STAC: variants seen among roughly 807,000 people sequenced by gnomAD.
The protein encoded by STAC is SH3 and cysteine rich domain.
Under a neutral mutation model 48.8 loss-of-function variants are expected in STAC, and 43 were observed. The observed-to-expected ratio is 0.88, with a 90% CI of 0.69 to 1.14. The LOEUF (loss-of-function observed/expected upper bound fraction) is 1.14. STAC is among the 50% of genes most tolerant of loss of function. The pLI, the probability that STAC is intolerant of heterozygous loss-of-function variation, is 0.00. For synonymous variants in STAC, 193 were observed against 179.5 expected, an observed-to-expected ratio of 1.07 and a Z score of -0.60; for missense variants, 497 against 504.0, an observed-to-expected ratio of 0.99 and a Z score of 0.13.
intron 6 of STAC, 125 bp from the exon 7 acceptor site, chr3:36,504,268 G>C (rs541412156): frequency 2.2e-5 from 19 of 857,432 alleles, no homozygotes; most frequent in Non-Finnish European, 3.5e-5. Context: ...CAGAGGGTGA[G>C]GAAAAGGCAA....
chr3:36,512,783 C>CTTTTTTTTTTTTTTTTT, intron 8 of STAC, among the ~76,000 whole-genome samples: 13 of 151,912 alleles, frequency 8.6e-5, no homozygotes, highest in African/African-American at 2.9e-4. Context: ...ATCACACATA[C>CTTTTTTTTTTTTTTTTT]TTTTTTTTAT....
chr3:36,495,281 G>A (rs1698116770), intron 6 of STAC, among the ~76,000 whole-genome samples: 1 of 152,074 alleles, frequency 6.6e-6, no homozygotes, highest in Non-Finnish European at 1.5e-5. Context: ...TCAGTATTAG[G>A]CTTCCTTGCT....
intron 10 of STAC, among the ~76,000 whole-genome samples, chr3:36,530,476 T>C (rs1170433672): frequency 6.6e-6 from 1 of 152,184 alleles, no homozygotes; most frequent in Non-Finnish European, 1.5e-5. Flanking sequence ...AAAAATTGTT[T>C]TGTCCCACTT....
At chr3:36,492,066 A>ATATATATG (rs1698001323) in intron 5 of STAC, among the ~76,000 whole-genome samples, 1 of 104,514 alleles carries the variant, frequency 9.6e-6, no homozygotes, top group African/African-American at 3.5e-5. Context: ...ATATATATAT[A>ATATATATG]TGTGACTGTC....
At chr3:36,395,560 C>T (rs114071550) in intron 1 of STAC, among the ~76,000 whole-genome samples, 139 of 152,254 alleles carry the variant, frequency 9.1e-4, no homozygotes, top group African/African-American at 3.1e-3. Context: ...GACCAGAATA[C>T]ATGAATAGAG....
At chr3:36,387,955 A>G (rs1273154900) in intron 1 of STAC, among the ~76,000 whole-genome samples, 1 of 152,076 alleles carries the variant, frequency 6.6e-6, no homozygotes, top group Non-Finnish European at 1.5e-5. Flanking sequence ...CTGACGAGTA[A>G]TGCACAAGGA....
chr3:36,405,865 G>A (rs560594963), intron 1 of STAC, among the ~76,000 whole-genome samples: 15 of 152,132 alleles, frequency 9.9e-5, no homozygotes, highest in Admixed American at 7.2e-4. Context: ...GACTACAGGC[G>A]CATGCCACCA....
At chr3:36,417,582 CAT>C (rs1177419139) in intron 1 of STAC, among the ~76,000 whole-genome samples, 2 of 152,158 alleles carry the variant, frequency 1.3e-5, no homozygotes, top group Non-Finnish European at 2.9e-5. Flanking sequence ...AATTGAAAAA[CAT>C]ATTTATTTGG....
At chr3:36,523,498 G>A (rs1698853619) in intron 8 of STAC, among the ~76,000 whole-genome samples, 1 of 152,350 alleles carries the variant, frequency 6.6e-6, no homozygotes, top group Non-Finnish European at 1.5e-5. Context: ...TGTTTTTTAA[G>A]TAACTGGGGG....
intron 1 of STAC, among the ~76,000 whole-genome samples, chr3:36,382,912 G>A (rs1421695926): frequency 6.6e-6 from 1 of 152,162 alleles, no homozygotes; most frequent in Non-Finnish European, 1.5e-5. Context: ...CCATGAAGTG[G>A]TCTTGTTTGT....
chr3:36,479,947 T>C (rs1175708513), intron 2 of STAC, among the ~76,000 whole-genome samples: 1 of 152,236 alleles, frequency 6.6e-6, no homozygotes, highest in Non-Finnish European at 1.5e-5. Flanking sequence ...TCAATCATTC[T>C]TGTTATTCCA....
intron 2 of STAC, among the ~76,000 whole-genome samples, chr3:36,444,902 TGG>T (rs747301250): frequency 9.2e-5 from 14 of 152,198 alleles, no homozygotes; most frequent in Non-Finnish European, 1.9e-4. Context: ...CCGGGGGCGA[TGG>T]AGGGTCTCAT....
intron 1 of STAC, among the ~76,000 whole-genome samples, chr3:36,410,434 A>G (rs1700170496): frequency 6.6e-6 from 1 of 152,182 alleles, no homozygotes; most frequent in Non-Finnish European, 1.5e-5. Context: ...TCAACAGCCT[A>G]CGTTTTCCAT....
At chr3:36,412,265 A>G (rs1362261265) in intron 1 of STAC, among the ~76,000 whole-genome samples, 1 of 152,142 alleles carries the variant, frequency 6.6e-6, no homozygotes, top group Non-Finnish European at 1.5e-5. Context: ...TGTTCTGGAC[A>G]AGAAGGAAAG....
intron 1 of STAC, among the ~76,000 whole-genome samples, chr3:36,421,624 A>G (rs1700452386): frequency 5.9e-5 from 9 of 152,010 alleles, no homozygotes; most frequent in Admixed American, 4.6e-4. Flanking sequence ...TTGTTTTTGA[A>G]CAGTGCTTAT....
chr3:36,467,724 TC>T (rs1346801431), intron 2 of STAC, among the ~76,000 whole-genome samples: 2 of 152,062 alleles, frequency 1.3e-5, no homozygotes, highest in African/African-American at 4.8e-5. Context: ...CTTATTTGGA[TC>T]TTTTTTCTTG....
intron 8 of STAC, among the ~76,000 whole-genome samples, chr3:36,509,520 C>A (rs895182188): frequency 2.0e-5 from 3 of 152,084 alleles, no homozygotes; most frequent in African/African-American, 7.2e-5. Context: ...TCCATTCTCC[C>A]CATCACTTTC....
At chr3:36,432,702 CAA>C (rs369547121) in intron 1 of STAC, among the ~76,000 whole-genome samples, 3 of 107,774 alleles carry the variant, frequency 2.8e-5, no homozygotes, top group Admixed American at 9.9e-5. Flanking sequence ...GACTCCGTCT[CAA>C]AAAAAAAAAA....
In STAC at chr3:36,443,623, G is replaced by A; in HGVS notation, c.371G>A (p.Cys124Tyr). 2 of 1,612,320 alleles carry A rather than the reference G, an allele frequency of 1.2e-6. No homozygotes were observed. The highest frequency in any genetic ancestry group is 1.1e-5 in the South Asian group (1 of 91,086). ...AAGAAGCCCACTTTCTGTGATGTCT[G>A]CAACCACATGATAGTGGGTAAGGCC... ...IFKKPTFCDV[C>Y]NHMIVGTNAK... Residue 124 changes from cysteine (C) to tyrosine (Y), a missense_variant, in exon 2 of 11, where the codon TGC becomes TAC. By Grantham distance (194) the Cys-to-Tyr change is radical. Coordinates refer to ENST00000273183, the MANE Select transcript of STAC (RefSeq NM_003149.3). The surrounding 1 kb of genome is among the most constrained non-coding windows in gnomAD (Gnocchi z 4.2).
Sources: gnomAD v4.1 joint callset for allele counts (sites outside exome capture counted in the v4.1 genomes callset) on GRCh38, gnomAD v4.1.1 for gene constraint, Gnocchi (gnomAD v3.1) non-coding constraint, MANE v1.5 for transcripts, NCBI Gene and HGNC (gene_info 2026-07-23, HGNC 2026-07-21) for gene names.